Variants in EFCAB5 observed in about 807,000 individuals in gnomAD.
EFCAB5 encodes the protein EF-hand calcium binding domain 5.
In EFCAB5, 131 loss-of-function variants were observed where a neutral mutation model predicts 167.9. The ratio of observed to expected loss-of-function variants is 0.78; its 90% CI spans 0.68 to 0.90. EFCAB5 has a LOEUF of 0.90. EFCAB5 is among the 40% of genes least tolerant of loss of function. EFCAB5 has a pLI of 0.00. For synonymous variants in EFCAB5, 574 were observed against 602.8 expected, an observed-to-expected ratio of 0.95 and a Z score of 0.70; for missense variants, 1,663 against 1,745.2, an observed-to-expected ratio of 0.95 and a Z score of 0.84.
chr17:29,974,183 A>C (rs1191117982), intron 4 of EFCAB5, among the ~76,000 whole-genome samples: 2 of 151,770 alleles, frequency 1.3e-5, no homozygotes, highest in Non-Finnish European at 2.9e-5. Flanking sequence ...CTTCAAAATA[A>C]TAATACCAAC....
intron 7 of EFCAB5, among the ~76,000 whole-genome samples, chr17:30,011,305 T>C (rs1164683410): frequency 1.3e-5 from 2 of 152,236 alleles, no homozygotes; most frequent in East Asian, 3.8e-4. Flanking sequence ...TTTGATTCCA[T>C]ATGAACTTTA....
At chr17:30,037,144 G>A (rs2069649578) in intron 8 of EFCAB5, among the ~76,000 whole-genome samples, 1 of 152,128 alleles carries the variant, frequency 6.6e-6, no homozygotes, top group Admixed American at 6.5e-5. Context: ...ATCCAACATG[G>A]CACTAAAGAG....
chr17:29,952,432 A>C (rs2067531371), intron 3 of EFCAB5, among the ~76,000 whole-genome samples: 3 of 152,246 alleles, frequency 2.0e-5, no homozygotes, highest in Admixed American at 6.5e-5. Flanking sequence ...ATGTGGACAC[A>C]AAGAGACATA....
chr17:30,072,152 A>T (rs1375310643), intron 14 of EFCAB5, among the ~76,000 whole-genome samples: 1 of 152,202 alleles, frequency 6.6e-6, no homozygotes, highest in African/African-American at 2.4e-5. Context: ...CAGATTTTGA[A>T]TGTTCCCAAC....
At chr17:30,025,326 A>G (rs1441225646) in intron 7 of EFCAB5, among the ~76,000 whole-genome samples, 1 of 152,200 alleles carries the variant, frequency 6.6e-6, no homozygotes, top group Non-Finnish European at 1.5e-5. Context: ...TTACAAGAAA[A>G]AAACAAACAA....
rs138842388 is a variant in EFCAB5 at position 30,031,094 on chromosome 17, A to T, written c.1045-3136A>T. 1.4e-3 allele frequency among the ~76,000 whole-genome samples: 206 copies of T among 152,284 alleles called. 1 individual carries two copies. The highest frequency in any genetic ancestry group is 4.9e-3 in the African/African-American group (203 of 41,558). On this transcript the variant is annotated intron_variant, in intron 7 of 22. Transcript: ENST00000394835. ...GTCAATTATTCAATAATTCTGACTTATGAGTAATATAGAAAAATACCTACT... is the reference window on the plus strand; with the variant it reads ...GTCAATTATTCAATAATTCTGACTTTTGAGTAATATAGAAAAATACCTACT...
intron 22 of EFCAB5, among the ~76,000 whole-genome samples, chr17:30,093,337 G>A (rs1183851050): frequency 6.6e-6 from 1 of 152,182 alleles, no homozygotes; most frequent in Non-Finnish European, 1.5e-5. Flanking sequence ...TGGAGAAGAC[G>A]ATTAGCTGTT....
chr17:29,967,341 T>C (rs1380407815), intron 3 of EFCAB5, among the ~76,000 whole-genome samples: 1 of 152,236 alleles, frequency 6.6e-6, no homozygotes, highest in Non-Finnish European at 1.5e-5. Context: ...TTTCTCTGCG[T>C]GTGGAAATCT....
chr17:30,079,936 A>G lies in EFCAB5; in HGVS notation c.3028-136A>G, dbSNP rs1567764410. On this transcript the variant is annotated intron_variant, in intron 15 of 22. Transcript: ENST00000394835. ...TCAACCTTTTCCCCACTGCCCATGA[A>G]TAGTAATATATGCATTCTTTATTCA... 21 of 1,023,866 alleles carry G rather than the reference A, an allele frequency of 2.1e-5. No homozygotes were observed. In the South Asian group the frequency reaches 3.6e-4, roughly 18 times the overall value. 63.4% of individuals were successfully genotyped at this position (1,023,866 alleles called of 1,614,324 possible).
chr17:29,974,344 G>A (rs2068021064), intron 4 of EFCAB5, among the ~76,000 whole-genome samples: 1 of 151,868 alleles, frequency 6.6e-6, no homozygotes, highest in Non-Finnish European at 1.5e-5. Context: ...TTCGAGACCA[G>A]CCTGGGCAAC....
chr17:30,078,072 G>A, intron 14 of EFCAB5, 143 bp from the exon 15 acceptor site: 2 of 750,354 alleles, frequency 2.7e-6, no homozygotes, highest in South Asian at 3.9e-5. Context: ...ATTCCACTGG[G>A]CTCAGAGATG....
intron 22 of EFCAB5, among the ~76,000 whole-genome samples, chr17:30,096,678 T>TATATATATA (rs1491331465): frequency 7.4e-5 from 3 of 40,762 alleles, no homozygotes; most frequent in East Asian, 1.3e-3. Context: ...TATATATATA[T>TATATATATA]TTTTTTTTTT....
rs114447631 is a variant in EFCAB5 at position 30,005,463 on chromosome 17, A to T, written c.1044+5487A>T. The stretch of plus-strand genomic sequence containing the variant: ...CTTCTTACGTAAATTATGCATTCAG[A>T]TCCTTTGGCCATCTTACCTGATTTT... On this transcript the variant is annotated intron_variant, in intron 7 of 22. Coordinates refer to ENST00000394835, the MANE Select transcript of EFCAB5 (RefSeq NM_198529.4). 2.0e-3 allele frequency among the ~76,000 whole-genome samples: 303 copies of T among 152,322 alleles called. 1 individual carries two copies. Among genetic ancestry groups the T allele is most frequent in the African/African-American group, 7.0e-3 (293 of 41,578 alleles).
intron 22 of EFCAB5, among the ~76,000 whole-genome samples, chr17:30,106,227 C>T (rs751482812): frequency 3.3e-5 from 5 of 151,622 alleles, no homozygotes; most frequent in Non-Finnish European, 5.9e-5. Flanking sequence ...AAGTTCAAGA[C>T]TAGCCTGGGC....
intron 1 of EFCAB5, among the ~76,000 whole-genome samples, chr17:29,935,496 T>G (rs748805672): frequency 3.9e-5 from 6 of 151,988 alleles, no homozygotes; most frequent in Non-Finnish European, 7.4e-5. Flanking sequence ...GAGGTTGAGG[T>G]TGCAGTGAGC....
At chr17:29,971,476 G>A (rs1358229137) in intron 4 of EFCAB5, among the ~76,000 whole-genome samples, 1 of 151,924 alleles carries the variant, frequency 6.6e-6, no homozygotes, top group Non-Finnish European at 1.5e-5. Flanking sequence ...CTTCATTATG[G>A]GCAGTTTTTA....
intron 4 of EFCAB5, among the ~76,000 whole-genome samples, chr17:29,981,322 T>C (rs1007085379): frequency 6.6e-5 from 10 of 152,120 alleles, no homozygotes; most frequent in African/African-American, 2.4e-4. Context: ...GCACAGAGGA[T>C]TTCTTTCGTT....
chr17:30,036,707 G>T (rs1046973685), intron 8 of EFCAB5, among the ~76,000 whole-genome samples: 5 of 152,096 alleles, frequency 3.3e-5, no homozygotes, highest in African/African-American at 4.8e-5. Flanking sequence ...GATTACAGGC[G>T]TGAGCCACCA....
chr17:30,104,016 A>G (rs1401164562), intron 22 of EFCAB5, among the ~76,000 whole-genome samples: 4 of 152,256 alleles, frequency 2.6e-5, no homozygotes, highest in Admixed American at 2.6e-4. Flanking sequence ...CATCTAAAAA[A>G]GAAAAGAAAA....
Sources: gnomAD v4.1 joint callset for allele counts (sites outside exome capture counted in the v4.1 genomes callset) on GRCh38, gnomAD v4.1.1 for gene constraint, MANE v1.5 for transcripts, NCBI Gene and HGNC (gene_info 2026-07-23, HGNC 2026-07-21) for gene names.